Variants in PBRM1 observed in about 807,000 individuals in gnomAD.
The protein encoded by PBRM1 is protein polybromo-1.
PBRM1 carries 27 observed loss-of-function variants against 194.5 expected under a neutral mutation model. The observed-to-expected ratio is 0.14, with a 90% CI of 0.10 to 0.19. The LOEUF is 0.19. PBRM1 is among the 10% of genes least tolerant of loss of function. PBRM1 has a pLI of 1.00. For missense variants in PBRM1, 1,466 were observed against 2,077.2 expected, an observed-to-expected ratio of 0.71 and a Z score of 5.72; for synonymous variants, 655 against 693.2, an observed-to-expected ratio of 0.94 and a Z score of 0.87.
intron 13 of PBRM1, among the ~76,000 whole-genome samples, chr3:52,619,936 C>CA (rs1310005915): frequency 6.6e-6 from 1 of 152,220 alleles, no homozygotes; most frequent in Non-Finnish European, 1.5e-5. Flanking sequence ...CTTGTGTCTT[C>CA]ACTCTGACTG....
At chr3:52,576,570 T>C in exon 22 of PBRM1, 1 of 1,608,804 alleles carries the variant, frequency 6.2e-7, no homozygotes, top group East Asian at 2.2e-5. Context: ...GCAGGTTTCT[T>C]CCAGATTACT....
chr3:52,671,242 T>C (rs762098818), intron 2 of PBRM1, among the ~76,000 whole-genome samples: 1 of 152,198 alleles, frequency 6.6e-6, no homozygotes, highest in Non-Finnish European at 1.5e-5. Flanking sequence ...TCACAAATTG[T>C]GTAGCTCTGA....
At chr3:52,655,670 A>G (rs1577732815) in intron 5 of PBRM1, among the ~76,000 whole-genome samples, 1 of 152,296 alleles carries the variant, frequency 6.6e-6, no homozygotes, top group Admixed American at 6.5e-5. Context: ...TTAAAGTTTT[A>G]AGTCATATGA....
At chr3:52,612,413 C>T (rs2153448568) in intron 15 of PBRM1, among the ~76,000 whole-genome samples, 1 of 152,108 alleles carries the variant, frequency 6.6e-6, no homozygotes, top group South Asian at 2.1e-4. Context: ...GAAACTTAAT[C>T]TAATCGCACC....
intron 23 of PBRM1, 74 bp downstream of exon 25, chr3:52,563,976 A>G (rs1373846079): frequency 6.6e-6 from 6 of 903,804 alleles, no homozygotes; most frequent in Non-Finnish European, 1.0e-5. Context: ...TAAAAAATTA[A>G]AAACACTGGA....
chr3:52,624,599 T>G (rs1454674553), intron 13 of PBRM1, among the ~76,000 whole-genome samples: 1 of 152,232 alleles, frequency 6.6e-6, no homozygotes, highest in Non-Finnish European at 1.5e-5. Flanking sequence ...GCACCAGCAC[T>G]GCCACCTTCT....
At chr3:52,632,752 G>A (rs910132898) in intron 11 of PBRM1, among the ~76,000 whole-genome samples, 3 of 149,104 alleles carry the variant, frequency 2.0e-5, no homozygotes, top group Admixed American at 6.8e-5. Flanking sequence ...GCAGTGGTGC[G>A]ACCTAGACTC....
intron 18 of PBRM1, among the ~76,000 whole-genome samples, chr3:52,587,879 T>C (rs1010850766): frequency 1.3e-5 from 2 of 152,124 alleles, no homozygotes; most frequent in Non-Finnish European, 2.9e-5. Context: ...AAATGCATGC[T>C]ACTTTTCCCC....
intron 15 of PBRM1, among the ~76,000 whole-genome samples, chr3:52,614,065 T>C (rs1413302584): frequency 6.6e-6 from 1 of 152,142 alleles, no homozygotes; most frequent in Non-Finnish European, 1.5e-5. Flanking sequence ...TAGTTGATAG[T>C]AATTTCAGAT....
At chr3:52,648,300 C>T (rs2096387626) in intron 7 of PBRM1, 44 bp downstream of exon 8, 4 of 1,083,966 alleles carry the variant, frequency 3.7e-6, no homozygotes, top group Non-Finnish European at 5.6e-6. Context: ...AAATTATCTA[C>T]TATTACCAAG....
chr3:52,590,105 G>A (rs2092881092), intron 17 of PBRM1, among the ~76,000 whole-genome samples: 1 of 151,986 alleles, frequency 6.6e-6, no homozygotes, highest in East Asian at 2.0e-4. Context: ...GATTATAGGC[G>A]TGAGCCACCG....
At chr3:52,663,908 A>G (rs975187017) in intron 3 of PBRM1, among the ~76,000 whole-genome samples, 2 of 152,054 alleles carry the variant, frequency 1.3e-5, no homozygotes, top group Non-Finnish European at 2.9e-5. Flanking sequence ...AAATACAAAA[A>G]AATTAGCTGG....
intron 13 of PBRM1, among the ~76,000 whole-genome samples, chr3:52,620,515 G>C (rs1016485465): frequency 1.3e-5 from 2 of 152,162 alleles, no homozygotes; most frequent in Non-Finnish European, 2.9e-5. Context: ...ATTATCATTA[G>C]GTTTTTCTGT....
chr3:52,589,893 A>G (rs1198404251), intron 17 of PBRM1, among the ~76,000 whole-genome samples: 1 of 152,012 alleles, frequency 6.6e-6, no homozygotes, highest in Non-Finnish European at 1.5e-5. Flanking sequence ...CAATGGCACA[A>G]TCTCAGCTCA....
chr3:52,573,639 C>G (rs1425426581), intron 22 of PBRM1, among the ~76,000 whole-genome samples: 1 of 152,126 alleles, frequency 6.6e-6, no homozygotes, highest in Non-Finnish European at 1.5e-5. Flanking sequence ...AGAAATTACT[C>G]CAAGTTATGT....
chr3:52,641,446 CAAAAAA>C (rs386396638), intron 10 of PBRM1, among the ~76,000 whole-genome samples: 1 of 69,956 alleles, frequency 1.4e-5, no homozygotes, highest in Admixed American at 1.8e-4. Flanking sequence ...GACTCCATCT[CAAAAAA>C]AAAAAAAAAA....
At chr3:52,570,935 C>T (rs1201507508) in intron 22 of PBRM1, among the ~76,000 whole-genome samples, 1 of 150,118 alleles carries the variant, frequency 6.7e-6, no homozygotes, top group Non-Finnish European at 1.5e-5. Flanking sequence ...GTTGTCCAGG[C>T]TGGTCTTGAA....
intron 9 of PBRM1, among the ~76,000 whole-genome samples, chr3:52,642,929 G>A (rs1373560846): frequency 6.6e-6 from 1 of 151,812 alleles, no homozygotes; most frequent in Non-Finnish European, 1.5e-5. Flanking sequence ...TGGGATTACA[G>A]GCACCCGCCA....
chr3:52,561,990 TG>T, intron 24 of PBRM1, 22 bp from the exon 27 acceptor site: 1 of 1,576,586 alleles, frequency 6.3e-7, no homozygotes, highest in Non-Finnish European at 8.7e-7. Flanking sequence ...AAAGGTCTTA[TG>T]GTGCATCAAA....
Sources: allele counts gnomAD v4.1 joint callset (sites outside exome capture counted in the v4.1 genomes callset), GRCh38; gene constraint gnomAD v4.1.1; transcripts MANE v1.5; gene names NCBI Gene and HGNC (gene_info 2026-07-23, HGNC 2026-07-21).